Variants in BPGM observed in about 807,000 individuals in gnomAD.
BPGM encodes bisphosphoglycerate mutase.
BPGM carries 15 observed loss-of-function variants against 21.6 expected under a neutral mutation model. That is an observed-to-expected ratio of 0.70 (90% confidence interval 0.47 to 1.07). The LOEUF is 1.07. Among genes scored for constraint, BPGM ranks in the 50% least tolerant of loss-of-function variants. BPGM has a pLI of 0.00. For synonymous variants in BPGM, 113 were observed against 116.2 expected, an observed-to-expected ratio of 0.97 and a Z score of 0.18; for missense variants, 273 against 319.0, an observed-to-expected ratio of 0.86 and a Z score of 1.10.
At chr7:134,649,285 C>T (rs1795519487) in intron 1 of BPGM, among the ~76,000 whole-genome samples, 1 of 152,066 alleles carries the variant, frequency 6.6e-6, no homozygotes, top group African/African-American at 2.4e-5. Flanking sequence ...CCTATTTAAA[C>T]CAAACCAGAT....
At chr7:134,666,245 T>C (rs78957323) in intron 2 of BPGM, among the ~76,000 whole-genome samples, 1 of 152,160 alleles carries the variant, frequency 6.6e-6, no homozygotes, top group African/African-American at 2.4e-5. Flanking sequence ...ACAGGCTTTA[T>C]AGAAAATGTT....
chr7:134,668,240 G>A (rs1003419133), intron 2 of BPGM, among the ~76,000 whole-genome samples: 10 of 152,144 alleles, frequency 6.6e-5, no homozygotes, highest in African/African-American at 1.7e-4. Context: ...TTCCTTGGCC[G>A]TGATCATGGT....
At chr7:134,647,644 CG>C (rs1795481943) in intron 1 of BPGM, among the ~76,000 whole-genome samples, 3 of 152,168 alleles carry the variant, frequency 2.0e-5, no homozygotes, top group Non-Finnish European at 4.4e-5. Context: ...TTGCAAATTA[CG>C]GAAGATCTTT....
intron 2 of BPGM, among the ~76,000 whole-genome samples, chr7:134,673,817 T>C (rs1291068826): frequency 3.9e-5 from 6 of 152,238 alleles, no homozygotes; most frequent in Middle Eastern, 3.4e-3. Flanking sequence ...TCCTGGGGAT[T>C]TGGTAGTTTA....
chr7:134,665,896 T>G (rs1262638216), intron 2 of BPGM, among the ~76,000 whole-genome samples: 13 of 151,386 alleles, frequency 8.6e-5, no homozygotes, highest in Non-Finnish European at 1.6e-4. Context: ...TTTTCTTTTT[T>G]AGACAAAGTC....
At position 134,663,244 on chromosome 7, in the gene BPGM, T is replaced by G. The variant is rs190110515; in HGVS notation, c.601+1136T>G. 1.8e-3 allele frequency among the ~76,000 whole-genome samples: 272 copies of G among 152,356 alleles called. 2 individuals are homozygous for G. The highest frequency in any genetic ancestry group is 6.2e-3 in the African/African-American group (256 of 41,582). Reference sequence around the variant, plus strand: ...TTAGCATGTGATTATTTTCCCCTAATTTTTATAACATGACCAAGAACTAAA... The same window carrying G: ...TTAGCATGTGATTATTTTCCCCTAAGTTTTATAACATGACCAAGAACTAAA... On this transcript the variant is annotated intron_variant, in intron 2 of 2. Transcript: ENST00000344924.
At chr7:134,658,388 G>A (rs916139988) in intron 1 of BPGM, 3 of 152,132 alleles carry the variant, frequency 2.0e-5, no homozygotes, top group Non-Finnish European at 2.9e-5. Context: ...GTGAGATGAG[G>A]TTATCGGAAA....
chr7:134,651,328 C>G (rs767074285), intron 1 of BPGM, among the ~76,000 whole-genome samples: 4 of 152,010 alleles, frequency 2.6e-5, no homozygotes, highest in Admixed American at 6.5e-5. Flanking sequence ...CCTATTTGTC[C>G]GTGAGTTGTA....
intron 2 of BPGM, among the ~76,000 whole-genome samples, chr7:134,676,502 A>G (rs538876655): frequency 6.6e-6 from 1 of 152,314 alleles, no homozygotes; most frequent in African/African-American, 2.4e-5. Flanking sequence ...GACTCTGGAA[A>G]CAGATAAAGC....
At chr7:134,650,650 C>T (rs542645214) in intron 1 of BPGM, among the ~76,000 whole-genome samples, 5 of 152,246 alleles carry the variant, frequency 3.3e-5, no homozygotes, top group Non-Finnish European at 4.4e-5. Context: ...TGGCCGAGCA[C>T]GGTGGCTCAC....
chr7:134,667,031 A>G (rs1170940660), intron 2 of BPGM, among the ~76,000 whole-genome samples: 1 of 152,158 alleles, frequency 6.6e-6, no homozygotes, highest in Non-Finnish European at 1.5e-5. Context: ...CTTGTATTGC[A>G]TGTCTAACTT....
chr7:134,662,744 TA>T (rs1795755833), intron 2 of BPGM, among the ~76,000 whole-genome samples: 1 of 152,192 alleles, frequency 6.6e-6, no homozygotes. Context: ...GGAAGGAAAC[TA>T]AAAGGATAGT....
At chr7:134,659,296 G>A (rs963477679) in intron 1 of BPGM, among the ~76,000 whole-genome samples, 1 of 152,050 alleles carries the variant, frequency 6.6e-6, no homozygotes, top group Admixed American at 6.5e-5. Context: ...CTACTACTTG[G>A]TGGATTGGGG....
At chr7:134,654,439 C>T (rs369552868) in intron 1 of BPGM, among the ~76,000 whole-genome samples, 2 of 152,158 alleles carry the variant, frequency 1.3e-5, no homozygotes, top group African/African-American at 4.8e-5. Context: ...CCAGCTCTGC[C>T]ATTTACAGCC....
intron 2 of BPGM, among the ~76,000 whole-genome samples, chr7:134,663,492 T>C (rs1393907832): frequency 6.6e-6 from 1 of 152,238 alleles, no homozygotes; most frequent in African/African-American, 2.4e-5. Flanking sequence ...TTAACTTCAT[T>C]ATTAGTGATA....
chr7:134,665,865 A>ATTTTCTTTTCTTTTC (rs144380412), intron 2 of BPGM, among the ~76,000 whole-genome samples: 152 of 150,430 alleles, frequency 1.0e-3, no homozygotes, highest in African/African-American at 3.6e-3. Flanking sequence ...GATTAATGAC[A>ATTTTCTTTTCTTTTC]TTTTCTTTTC....
At chr7:134,669,385 TTTTTTTTA>T (rs538995301) in intron 2 of BPGM, among the ~76,000 whole-genome samples, 5 of 151,938 alleles carry the variant, frequency 3.3e-5, no homozygotes, top group Non-Finnish European at 5.9e-5. Context: ...CTAATAAAGG[TTTTTTTTA>T]TTTTTTTATT....
intron 2 of BPGM, among the ~76,000 whole-genome samples, chr7:134,667,968 G>A (rs1795844958): frequency 6.6e-6 from 1 of 152,152 alleles, no homozygotes. Flanking sequence ...TAGAATATTG[G>A]TCTATGCTGA....
At chr7:134,656,409 G>A (rs992667815) in intron 1 of BPGM, among the ~76,000 whole-genome samples, 4 of 152,206 alleles carry the variant, frequency 2.6e-5, no homozygotes, top group Non-Finnish European at 4.4e-5. Context: ...TATGGATCAT[G>A]TGTTAGAATT....
Sources: gnomAD v4.1 joint callset for allele counts (sites outside exome capture counted in the v4.1 genomes callset) on GRCh38, gnomAD v4.1.1 for gene constraint, MANE v1.5 for transcripts, NCBI Gene and HGNC (gene_info 2026-07-23, HGNC 2026-07-21) for gene names.